FAM91A1: variants seen among roughly 807,000 people sequenced by gnomAD.
FAM91A1 encodes family with sequence similarity 91 member A1.
In FAM91A1, 41 loss-of-function variants were observed where a neutral mutation model predicts 113.5. That is an observed-to-expected ratio of 0.36 (90% CI 0.28 to 0.47). The LOEUF is 0.47. Among genes scored for constraint, FAM91A1 ranks in the 20% least tolerant of loss-of-function variants. FAM91A1 has a pLI of 1.00. For synonymous variants in FAM91A1, 307 were observed against 347.9 expected (o/e 0.88, Z 1.31); for missense variants, 696 against 1,001.2 (o/e 0.70, Z 4.11).
At chr8:123,808,778 A>G in intron 21 of FAM91A1, 115 bp from the exon 22 acceptor site, 1 of 1,012,264 alleles carries the variant, frequency 9.9e-7, no homozygotes, top group Non-Finnish European at 1.4e-6. Context: ...GGTGGATATC[A>G]GTGGGGCAGG....
chr8:123,784,437 A>G (rs1815200951), intron 8 of FAM91A1, 33 bp from the exon 9 acceptor site: 1 of 1,483,508 alleles, frequency 6.7e-7, no homozygotes, highest in Non-Finnish European at 9.3e-7. Context: ...TAAAATCTGT[A>G]CCACTGAGAA....
Position 123,812,527 on chromosome 8 carries a change from T to G in FAM91A1, c.2340T>G (p.Ala780=). The G allele has an allele frequency of 1.9e-6, 3 of 1,581,636 alleles. No individual in the cohort carries two copies. Among genetic ancestry groups the G allele is most frequent in the South Asian group, 2.4e-5 (2 of 84,796 alleles). Residue 780 remains alanine (A), a synonymous_variant, in exon 24 of 24, where the codon GCT becomes GCG. Coordinates refer to ENST00000334705, the MANE Select transcript of FAM91A1 (RefSeq NM_144963.4). ...GTTTCTTGATCTTTTAGGAAGGTGCTTCAATATTGGATATTCACACAGAGC... is the reference window on the plus strand; with the variant it reads ...GTTTCTTGATCTTTTAGGAAGGTGCGTCAATATTGGATATTCACACAGAGC... ...LNFVHSFQEG[A]SILDIHTEPS...
At position 123,773,587 on chromosome 8, in the gene FAM91A1, G is replaced by A. The variant is rs185162380; in HGVS notation, c.73-493G>A. ...TTGCATTTTTAAGAAACAATCTTAC[G>A]TACATTTAAATGTAAATTTTCCAGA... On this transcript the variant is annotated intron_variant, in intron 1 of 23. Coordinates refer to ENST00000334705, the MANE Select transcript of FAM91A1 (RefSeq NM_144963.4). Among the ~76,000 whole-genome samples the A allele has an allele frequency of 2.4e-3, 358 of 152,268 alleles. 2 individuals carry two copies. Among genetic ancestry groups the A allele is most frequent in the African/African-American group, 8.0e-3 (333 of 41,550 alleles).
intron 23 of FAM91A1, 131 bp from the exon 24 acceptor site, chr8:123,812,388 T>A: frequency 2.5e-5 from 12 of 480,944 alleles, no homozygotes; most frequent in African/African-American, 5.8e-5. Context: ...GTGTAGATCT[T>A]TGCATCTCCT....
At chr8:123,804,422 T>C (rs1586393832) in intron 18 of FAM91A1, among the ~76,000 whole-genome samples, 1 of 126,026 alleles carries the variant, frequency 7.9e-6, no homozygotes, top group South Asian at 2.7e-4. Context: ...ACCTGGGAGG[T>C]GGAGATTGCA....
chr8:123,806,672 G>C (rs561961156), intron 20 of FAM91A1, among the ~76,000 whole-genome samples: 1 of 151,982 alleles, frequency 6.6e-6, no homozygotes, highest in Non-Finnish European at 1.5e-5. Flanking sequence ...TGTTCAGTTA[G>C]TTTCCAAGTT....
At chr8:123,808,735 C>T (rs1815875212) in intron 21 of FAM91A1, 158 bp from the exon 22 acceptor site, 2 of 632,798 alleles carry the variant, frequency 3.2e-6, no homozygotes, top group Non-Finnish European at 5.0e-6. Flanking sequence ...TAACTGACCC[C>T]CTTCAATTTC....
At chr8:123,801,132 T>C (rs1325041644) in intron 18 of FAM91A1, among the ~76,000 whole-genome samples, 1 of 152,244 alleles carries the variant, frequency 6.6e-6, no homozygotes, top group East Asian at 1.9e-4. Context: ...TGCATCATTT[T>C]ACATTCTCAC....
chr8:123,795,471 C>G, intron 15 of FAM91A1, among the ~76,000 whole-genome samples: 1 of 151,584 alleles, frequency 6.6e-6, no homozygotes, highest in South Asian at 2.1e-4. Context: ...CTCTCTCTTC[C>G]TCCTGCTCCG....
chr8:123,787,485 A>C, intron 13 of FAM91A1, 112 bp downstream of exon 13: 1 of 1,036,466 alleles, frequency 9.6e-7, no homozygotes, highest in Non-Finnish European at 1.4e-6. Flanking sequence ...CCGAAGCACA[A>C]CTGACTTAGA....
chr8:123,780,393 C>T, intron 7 of FAM91A1, 87 bp from the exon 8 acceptor site: 1 of 1,005,726 alleles, frequency 9.9e-7, no homozygotes, highest in Non-Finnish European at 1.5e-6. Flanking sequence ...TTGTAAGAAT[C>T]TTTACAGAAA....
chr8:123,786,258 T>A, intron 11 of FAM91A1: 1 of 451,224 alleles, frequency 2.2e-6, no homozygotes, highest in East Asian at 3.4e-5. Flanking sequence ...AGCAAATAAA[T>A]ATTTTACATA....
rs1814806336 is a variant in FAM91A1 at position 123,770,159 on chromosome 8, G to A, written c.72+1385G>A. On this transcript the variant is annotated intron_variant, in intron 1 of 23. Coordinates refer to ENST00000334705, the MANE Select transcript of FAM91A1 (RefSeq NM_144963.4). ...GTAGAGACGGGGTTTCATCATGTTG[G>A]CCAGGCTGGTCTCGATATCTTGACC... 2.0e-5 allele frequency among the ~76,000 whole-genome samples: 3 copies of A among 152,090 alleles called. No individual in the cohort carries two copies. In the South Asian group the frequency reaches 6.2e-4, roughly 32 times the overall value.
chr8:123,814,343 AT>A lies in FAM91A1; in HGVS notation c.*1651del, dbSNP rs58300080. On this transcript the variant is annotated 3_prime_UTR_variant, in exon 24 of 24. Transcript: ENST00000334705. The stretch of plus-strand genomic sequence containing the variant: ...AGTTTTTCAGCTGAAAGTTGTAAGT[AT>A]TTTTTTTTTTTGATCGGGGCTCTTT... 0.058 allele frequency: 10,991 copies of A among 188,740 alleles called. 3 individuals are homozygous for A. The highest frequency in any genetic ancestry group is 0.15 in the South Asian group (1,953 of 13,204). The allele number at this position is 188,740 out of a possible 1,614,324, so 11.7% of individuals were successfully genotyped here. A position where few individuals can be genotyped will look rare whatever the true frequency, so the allele number is the denominator to read the frequency against.
In FAM91A1 at chr8:123,774,762, A is replaced by G. The variant is rs1238768794; in HGVS notation, c.158-385A>G. 2.0e-5 allele frequency among the ~76,000 whole-genome samples: 3 copies of G among 152,194 alleles called. No homozygotes were observed. The East Asian group carries it at 5.8e-4, about 29-fold the overall frequency. ...AGAGGGCTTTTTACATTTAAAAACTAAAAAAGCAGCAAATAATTTTTAAAA... is the reference window on the plus strand; with the variant it reads ...AGAGGGCTTTTTACATTTAAAAACTGAAAAAGCAGCAAATAATTTTTAAAA... On this transcript the variant is annotated intron_variant, in intron 2 of 23. Coordinates refer to ENST00000334705, the MANE Select transcript of FAM91A1 (RefSeq NM_144963.4).
rs1453983000 is a variant in FAM91A1, at chr8:123,787,267, C to T, written c.1085C>T (p.Thr362Ile). ...DTNSQEDPAD[T>I]ASVSSLSLST... Reference sequence around the variant, plus strand: ...AAATTATGGTGTTTTTCAGCTGACACAGCCAGTGTAAGCAGCCTGAGTCTG... The same window carrying T: ...AAATTATGGTGTTTTTCAGCTGACATAGCCAGTGTAAGCAGCCTGAGTCTG... The change falls in exon 13 of 24, where the codon ACA becomes ATA. Residue 362 changes from threonine to isoleucine, a missense_variant. By Grantham distance (89) the Thr-to-Ile change is moderately conservative. Coordinates refer to ENST00000334705, the MANE Select transcript of FAM91A1 (RefSeq NM_144963.4). 6 of 1,608,148 alleles carry T rather than the reference C, an allele frequency of 3.7e-6. No individual in the cohort carries two copies. Among genetic ancestry groups the T allele is most frequent in the Non-Finnish European group, 5.1e-6 (6 of 1,177,462 alleles).
In FAM91A1 at chr8:123,806,142, T is replaced by G. The variant is rs1815798413; in HGVS notation, c.1945T>G (p.Leu649Val). ...GCAGATACTAAGGAACAGAGTGGAC[T>G]TACAGCATCTCTGTGGATATGTCAC... Reference protein sequence around the residue: ...ALQILRNRVDLQHLCGYVTML... With the variant: ...ALQILRNRVDVQHLCGYVTML... The change falls in exon 20 of 24, where the codon TTA becomes GTA. Residue 649 changes from leucine (L) to valine (V), a missense_variant. Leu to Val is a conservative substitution (Grantham distance 32, BLOSUM62 1). Transcript: ENST00000334705. 1 of 1,613,142 alleles carries G rather than the reference T, an allele frequency of 6.2e-7. No homozygotes were observed.
intron 1 of FAM91A1, among the ~76,000 whole-genome samples, chr8:123,770,023 G>A (rs182904116): frequency 2.0e-5 from 3 of 151,938 alleles, no homozygotes; most frequent in Non-Finnish European, 2.9e-5. Context: ...TGTGATCTCC[G>A]CTCACTGCAA....
chr8:123,807,327 A>G (rs1815835619), intron 20 of FAM91A1, among the ~76,000 whole-genome samples: 1 of 152,068 alleles, frequency 6.6e-6, no homozygotes, highest in East Asian at 1.9e-4. Context: ...ATACCTGCTT[A>G]GGTGCTGGAG....
Sources: gnomAD v4.1 joint callset for allele counts (sites outside exome capture counted in the v4.1 genomes callset) on GRCh38, gnomAD v4.1.1 for gene constraint, MANE v1.5 for transcripts, NCBI Gene and HGNC (gene_info 2026-07-23, HGNC 2026-07-21) for gene names.